Variants in TULP4 observed in about 807,000 individuals in gnomAD.
TULP4 encodes tubby-related protein 4.
In TULP4, 16 loss-of-function variants were observed where a neutral mutation model predicts 129.0. The ratio of observed to expected loss-of-function variants is 0.12; its 90% CI spans 0.08 to 0.19. TULP4 has a LOEUF of 0.19. TULP4 is among the 10% of genes least tolerant of loss of function. TULP4 has a pLI of 1.00. For synonymous variants in TULP4, 998 were observed against 854.0 expected (o/e 1.17, Z -2.94); for missense variants, 1,842 against 2,059.1 (o/e 0.89, Z 2.04).
intron 1 of TULP4, among the ~76,000 whole-genome samples, chr6:158,365,527 A>G (rs1231022010): frequency 1.4e-5 from 2 of 142,406 alleles, no homozygotes; most frequent in Non-Finnish European, 3.0e-5. Context: ...CCCAGGCTGG[A>G]GTGCAGTGGT....
At chr6:158,259,208 C>T (rs957312476) in intron 1 of TULP4, among the ~76,000 whole-genome samples, 2 of 152,216 alleles carry the variant, frequency 1.3e-5, no homozygotes, top group African/African-American at 4.8e-5. Context: ...TCAGCCAGAG[C>T]TTGCTGTTAG....
chr6:158,369,708 T>C (rs1487728575), intron 1 of TULP4, among the ~76,000 whole-genome samples: 1 of 152,132 alleles, frequency 6.6e-6, no homozygotes, highest in African/African-American at 2.4e-5. Context: ...TTTTAGAAAA[T>C]CTATACGTGT....
In TULP4 at chr6:158,502,359, A is replaced by T. The variant is rs1283524557; in HGVS notation, c.2696A>T (p.Glu899Val). ...TTFDSSGNVE[E>V]VCRPRTRMLC... ...TTCGACAGCAGTGGCAACGTGGAGG[A>T]GGTGTGCCGGCCCCGCACCCGGATG... Residue 899 changes from glutamate (E) to valine (V), a missense_variant, in exon 13 of 14, where the codon GAG becomes GTG. Physicochemically the swap from Glu to Val is moderately radical, Grantham distance 121. Coordinates refer to ENST00000367097, the MANE Select transcript of TULP4 (RefSeq NM_020245.5). 1 of 1,613,690 alleles carries T rather than the reference A, an allele frequency of 6.2e-7. No homozygotes were observed.
chr6:158,403,624 C>T (rs1027752248), intron 1 of TULP4, among the ~76,000 whole-genome samples: 5 of 152,152 alleles, frequency 3.3e-5, no homozygotes, highest in African/African-American at 4.8e-5. Context: ...GCTGTTTCCG[C>T]CCGGTTTTGA....
intron 1 of TULP4, among the ~76,000 whole-genome samples, chr6:158,232,559 C>A (rs1239307963): frequency 3.3e-5 from 5 of 151,640 alleles, no homozygotes; most frequent in Admixed American, 6.6e-5. Flanking sequence ...CTTTTGTCTC[C>A]GCGTGTGAGA....
At chr6:158,363,062 CAAAA>C (rs11373437) in intron 1 of TULP4, among the ~76,000 whole-genome samples, 1 of 87,998 alleles carries the variant, frequency 1.1e-5, no homozygotes. Context: ...GACTCCATCT[CAAAA>C]AAAAAAAAAA....
At chr6:158,279,733 C>T (rs1479907148), upstream of TULP4, among the ~76,000 whole-genome samples, 7 of 152,188 alleles carry the variant, frequency 4.6e-5, no homozygotes, top group African/African-American at 1.7e-4. Context: ...TCCTCCTCCC[C>T]GCTAGAATGG....
At chr6:158,318,583 C>T (rs1779545436) in intron 1 of TULP4, among the ~76,000 whole-genome samples, 1 of 152,202 alleles carries the variant, frequency 6.6e-6, no homozygotes, top group South Asian at 2.1e-4. Flanking sequence ...TAAATTCATG[C>T]AGCTTGTATG....
intron 2 of TULP4, among the ~76,000 whole-genome samples, chr6:158,418,668 C>T (rs1562557944): frequency 1.3e-5 from 2 of 152,092 alleles, no homozygotes; most frequent in Non-Finnish European, 2.9e-5. Context: ...ACTCGGAAGG[C>T]GGCAATGGGA....
rs75384501 is a variant in TULP4 at position 158,332,449 on chromosome 6, C to G, written c.252+18181C>G. Among the ~76,000 whole-genome samples the G allele has an allele frequency of 3.7e-3, 567 of 151,916 alleles. 4 individuals are homozygous for G. The highest frequency in any genetic ancestry group is 0.013 in the African/African-American group (540 of 41,406). ...AGTAAATAACCCTCTGGAGTGCAGG[C>G]AAGGGAGGAGGCTGTCCCTCCATGG... is the stretch of plus-strand genomic sequence containing the variant. On this transcript the variant is annotated intron_variant, in intron 1 of 13. Coordinates refer to ENST00000367097, the MANE Select transcript of TULP4 (RefSeq NM_020245.5).
chr6:158,480,874 G>T, intron 7 of TULP4, among the ~76,000 whole-genome samples, 181 bp from the exon 8 acceptor site: 1 of 152,028 alleles, frequency 6.6e-6, no homozygotes. Context: ...ATTCTCACAT[G>T]CTCCTACCAT....
Position 158,503,630 on chromosome 6 carries a change from G to A in TULP4, c.3967G>A (p.Glu1323Lys), listed in dbSNP as rs200252818. The A allele has an allele frequency of 3.9e-5, 63 of 1,613,960 alleles. No individual in the cohort carries two copies. Among genetic ancestry groups the A allele is most frequent in the South Asian group, 1.8e-4 (16 of 91,078 alleles). Residue 1323 changes from glutamate to lysine, a missense_variant, in exon 13 of 14, where the codon GAA (glutamate) becomes AAA (lysine). By Grantham distance (56) the Glu-to-Lys change is moderately conservative (BLOSUM62 1). Coordinates refer to ENST00000367097, the MANE Select transcript of TULP4 (RefSeq NM_020245.5). This position sits in a 1 kb window ranked among gnomAD's most constrained non-coding sequence, Gnocchi z 4.3. ...CTTCCAGGAAGTCCTCTCCCTGACC[G>A]AAAGCCCAGTCCCCCAGCGGACAGA... ...DNFQEVLSLT[E>K]SPVPQRTEKF...
At chr6:158,242,467 G>A (rs1213397967) in intron 1 of TULP4, 1 of 884,698 alleles carries the variant, frequency 1.1e-6, no homozygotes, top group Non-Finnish European at 1.9e-6. Context: ...TCCAAACGGT[G>A]TAACACTTAT....
At chr6:158,353,967 C>T (rs761154066) in intron 1 of TULP4, among the ~76,000 whole-genome samples, 1 of 152,228 alleles carries the variant, frequency 6.6e-6, no homozygotes, top group Non-Finnish European at 1.5e-5. Context: ...GAATCAGCTG[C>T]AGTGGTTGCT....
chr6:158,472,715 G>A (rs914698418), intron 6 of TULP4, among the ~76,000 whole-genome samples: 2 of 152,178 alleles, frequency 1.3e-5, no homozygotes, highest in East Asian at 1.9e-4. Context: ...AGATTGTAGG[G>A]TATTGCGTAC....
At chr6:158,498,420 A>G (rs369347506) in intron 11 of TULP4, among the ~76,000 whole-genome samples, 15 of 152,362 alleles carry the variant, frequency 9.8e-5, no homozygotes, top group East Asian at 9.6e-4. Flanking sequence ...TCTGTAGACA[A>G]ACCATTGGCA....
intron 1 of TULP4, among the ~76,000 whole-genome samples, chr6:158,262,008 G>A (rs1778360421): frequency 6.6e-6 from 1 of 152,202 alleles, no homozygotes; most frequent in African/African-American, 2.4e-5. Context: ...TACATGTGAG[G>A]CGGGGAAATG....
At chr6:158,436,640 G>T (rs1171829767) in intron 3 of TULP4, among the ~76,000 whole-genome samples, 1 of 152,196 alleles carries the variant, frequency 6.6e-6, no homozygotes, top group African/African-American at 2.4e-5. Context: ...TCCGGGAGTA[G>T]AGGTAATATT....
Position 158,489,738 on chromosome 6 carries a change from C to A in TULP4, c.1631+6C>A. On this transcript the variant is annotated splice_donor_region_variant and intron_variant, in intron 9 of 13. Coordinates refer to ENST00000367097, the MANE Select transcript of TULP4 (RefSeq NM_020245.5). ...AAATCACCCAAACTCCCAAGGTAAT[C>A]TCAGTCTTTGGGGAGATCGTCCTTT... 6.2e-7 allele frequency: 1 copy of A among 1,614,210 alleles called. No homozygotes were observed. Among genetic ancestry groups the A allele is most frequent in the Non-Finnish European group, 8.5e-7 (1 of 1,180,030 alleles).
Sources: gnomAD v4.1 joint callset for allele counts (sites outside exome capture counted in the v4.1 genomes callset) on GRCh38, gnomAD v4.1.1 for gene constraint, Gnocchi (gnomAD v3.1) non-coding constraint, MANE v1.5 for transcripts, NCBI Gene and HGNC (gene_info 2026-07-23, HGNC 2026-07-21) for gene names.